Variants in LIMCH1 observed in about 807,000 individuals in gnomAD.
The protein encoded by LIMCH1 is LIM and calponin homology domains-containing protein 1.
In LIMCH1, 113 loss-of-function variants were observed where a neutral mutation model predicts 176.5. The observed-to-expected ratio is 0.64, with a 90% CI of 0.55 to 0.75. The LOEUF is 0.75. Among genes scored for constraint, LIMCH1 ranks in the 30% least tolerant of loss-of-function variants. The pLI, the probability that LIMCH1 is intolerant of heterozygous loss-of-function variation, is 0.00. For missense variants in LIMCH1, 1,674 were observed against 1,814.9 expected, an observed-to-expected ratio of 0.92 and a Z score of 1.41; for synonymous variants, 619 against 645.9, an observed-to-expected ratio of 0.96 and a Z score of 0.63.
chr4:41,592,600 G>C (rs1239386799), intron 1 of LIMCH1, among the ~76,000 whole-genome samples: 1 of 152,124 alleles, frequency 6.6e-6, no homozygotes, highest in Non-Finnish European at 1.5e-5. Context: ...GAACAAGAAT[G>C]TCTTAATAAT....
At chr4:41,511,300 G>T (rs2074888509) in intron 2 of LIMCH1, among the ~76,000 whole-genome samples, 1 of 152,068 alleles carries the variant, frequency 6.6e-6, no homozygotes, top group Non-Finnish European at 1.5e-5. Flanking sequence ...TGTATTCCCT[G>T]TCCATTTCCA....
Position 41,367,853 on chromosome 4 carries a change from C to T in LIMCH1, c.96+6917C>T, listed in dbSNP as rs376318507. On this transcript the variant is annotated intron_variant, in intron 1 of 26. Transcript: ENST00000313860. ...CTGCACTCCAGCCTGGGCGGCAGTG[C>T]GAGACTCCATCATAAAAAAAAAAAA... Among the ~76,000 whole-genome samples, 69 of 135,344 alleles carry T rather than the reference C, an allele frequency of 5.1e-4. 1 individual carries two copies. In the South Asian group the frequency reaches 5.8e-3, roughly 11 times the overall value. The allele number at this position is 135,344 out of a possible 152,430, so 88.8% of individuals were successfully genotyped here.
In LIMCH1 at chr4:41,695,236, A is replaced by G. The variant is rs540821609; in HGVS notation, c.4379-1924A>G. ...TATATATTTAATACATATAAAAGAA[A>G]TATATGTTTCTTTTTTGGATTATAG... On this transcript the variant is annotated intron_variant, in intron 31 of 31. Coordinates refer to ENST00000503057, the MANE Select transcript of LIMCH1 (RefSeq NM_001330672.2). Among the ~76,000 whole-genome samples the G allele has an allele frequency of 2.6e-4, 40 of 151,316 alleles. No homozygotes were observed. In the South Asian group the frequency reaches 2.9e-3, roughly 11 times the overall value.
chr4:41,451,526 A>T (rs373252912), intron 1 of LIMCH1, among the ~76,000 whole-genome samples: 1 of 152,252 alleles, frequency 6.6e-6, no homozygotes, highest in African/African-American at 2.4e-5. Context: ...AACTCTTGAG[A>T]GTCTTTCCCA....
Position 41,620,686 on chromosome 4 carries a change from G to C in LIMCH1, c.721G>C (p.Ala241Pro), listed in dbSNP as rs2092503963. The change falls in exon 7 of 32, where the codon GCC becomes CCC. Residue 241 changes from alanine to proline, a missense_variant. By Grantham distance (27) the Ala-to-Pro change is conservative. Around this residue, in one of 3 missense-constraint regions of LIMCH1, gnomAD observed 655 missense variants for 692.2 expected, o/e 0.95. Transcript: ENST00000503057. Reference protein sequence around the residue: ...IKVMPAAQRFASQKQLSEEKE... With the variant: ...IKVMPAAQRFPSQKQLSEEKE... ...GGTCATGCCAGCAGCACAGCGCTTT[G>C]CCAGGTCAGCTCTGGGCTGAGGGCT... is the stretch of plus-strand genomic sequence containing the variant. 6.5e-7 allele frequency: 1 copy of C among 1,532,616 alleles called. No homozygotes were observed. The highest frequency in any genetic ancestry group is 8.7e-7 in the Non-Finnish European group (1 of 1,144,952). The allele number at this position is 1,532,616 out of a possible 1,614,324, so 94.9% of individuals were successfully genotyped here. A position where few individuals can be genotyped will look rare whatever the true frequency, so the allele number is the denominator to read the frequency against.
chr4:41,421,825 G>C (rs1027897885), intron 1 of LIMCH1, among the ~76,000 whole-genome samples: 1 of 152,166 alleles, frequency 6.6e-6, no homozygotes, highest in African/African-American at 2.4e-5. Context: ...GCTCACACCT[G>C]TAATCCCAGC....
chr4:41,583,365 C>G (rs2085872464), intron 1 of LIMCH1, among the ~76,000 whole-genome samples: 3 of 152,114 alleles, frequency 2.0e-5, no homozygotes, highest in Admixed American at 2.0e-4. Context: ...TGACCTTTTT[C>G]TCAGATATCT....
chr4:41,599,006 A>G lies in LIMCH1; in HGVS notation c.-154A>G. 1 of 1,608,920 alleles carries G rather than the reference A, an allele frequency of 6.2e-7. No individual in the cohort carries two copies. The highest frequency in any genetic ancestry group is 1.1e-5 in the South Asian group (1 of 90,914). On this transcript the variant is annotated 5_prime_UTR_variant, in exon 2 of 32. Transcript: ENST00000503057. The stretch of plus-strand genomic sequence containing the variant: ...TTGACCCGAGTGACCTCCAGGATAC[A>G]TCCAACAGAGTAACAGTCAAGTAAG...
intron 1 of LIMCH1, among the ~76,000 whole-genome samples, chr4:41,592,315 C>T (rs7675395): frequency 0.086 from 13,158 of 152,230 alleles, 1,856 homozygotes; most frequent in African/African-American, 0.3. Context: ...GGATTTATTT[C>T]TGTGGGTTAA....
At chr4:41,439,004 C>G (rs1472528481) in intron 1 of LIMCH1, among the ~76,000 whole-genome samples, 2 of 152,194 alleles carry the variant, frequency 1.3e-5, no homozygotes, top group Non-Finnish European at 2.9e-5. Context: ...AGGGGAGCAT[C>G]TGTCAGGGAA....
At chr4:41,552,920 T>G (rs1037236648) in intron 1 of LIMCH1, among the ~76,000 whole-genome samples, 4 of 152,208 alleles carry the variant, frequency 2.6e-5, no homozygotes, top group Non-Finnish European at 4.4e-5. Flanking sequence ...TTTTAATTAT[T>G]TGAGGTGAGC....
chr4:41,582,121 T>C (rs577322650), intron 1 of LIMCH1, among the ~76,000 whole-genome samples: 20 of 152,344 alleles, frequency 1.3e-4, no homozygotes, highest in African/African-American at 4.8e-4. Context: ...GCTTAAAATG[T>C]GTAGTGTGCT....
intron 2 of LIMCH1, among the ~76,000 whole-genome samples, chr4:41,601,881 T>C (rs2089982826): frequency 6.6e-6 from 1 of 152,154 alleles, no homozygotes; most frequent in African/African-American, 2.4e-5. Flanking sequence ...TATATTTCTC[T>C]GTTGTCCCTC....
intron 4 of LIMCH1, among the ~76,000 whole-genome samples, chr4:41,610,533 T>G (rs1192426349): frequency 6.6e-6 from 1 of 152,226 alleles, no homozygotes; most frequent in East Asian, 1.9e-4. Flanking sequence ...AGAGAATAAA[T>G]TGTAGTAATT....
intron 1 of LIMCH1, among the ~76,000 whole-genome samples, chr4:41,582,882 T>C (rs2085761166): frequency 6.6e-6 from 1 of 152,192 alleles, no homozygotes; most frequent in Non-Finnish European, 1.5e-5. Context: ...CTGGCATACC[T>C]GTTAGCTTTG....
intron 1 of LIMCH1, among the ~76,000 whole-genome samples, chr4:41,436,073 T>G (rs2062047018): frequency 6.6e-6 from 1 of 152,212 alleles, no homozygotes; most frequent in Admixed American, 6.5e-5. Context: ...AAAGTTTAGT[T>G]CTAATAAAGC....
chr4:41,671,911 T>C (rs1406354601), intron 22 of LIMCH1, among the ~76,000 whole-genome samples: 1 of 113,348 alleles, frequency 8.8e-6, no homozygotes, highest in African/African-American at 3.5e-5. Context: ...AAAAAAAGAG[T>C]ATTCAACCAA....
chr4:41,407,328 A>G (rs2059065952), intron 1 of LIMCH1, among the ~76,000 whole-genome samples: 1 of 152,178 alleles, frequency 6.6e-6, no homozygotes, highest in Non-Finnish European at 1.5e-5. Flanking sequence ...TGCTGGGCTC[A>G]AGCGATCCTC....
At chr4:41,537,691 A>G (rs906055224), upstream of LIMCH1, among the ~76,000 whole-genome samples, 1 of 152,204 alleles carries the variant, frequency 6.6e-6, no homozygotes, top group African/African-American at 2.4e-5. Flanking sequence ...ATGAGATGAT[A>G]TACATAAAAT....
Sources: gnomAD v4.1 joint callset for allele counts (sites outside exome capture counted in the v4.1 genomes callset) on GRCh38, gnomAD v4.1.1 for gene constraint, gnomAD v4.1.1 regional missense constraint, MANE v1.5 for transcripts, NCBI Gene and HGNC (gene_info 2026-07-23, HGNC 2026-07-21) for gene names.